The following EIF4G3 variants were observed in gnomAD, a reference collection of about 807,000 sequenced individuals.
EIF4G3 encodes the protein eukaryotic translation initiation factor 4 gamma 3.
In EIF4G3, 34 loss-of-function variants were observed where a neutral mutation model predicts 186.4. The observed-to-expected ratio is 0.18, with a 90% confidence interval of 0.14 to 0.24. The LOEUF is 0.24. Ranked by LOEUF, EIF4G3 falls within the 10% of genes least tolerant of loss-of-function variation. The pLI is 1.00. For missense variants in EIF4G3, 1,536 were observed against 1,948.5 expected, an observed-to-expected ratio of 0.79 and a Z score of 3.99; for synonymous variants, 673 against 679.5, an observed-to-expected ratio of 0.99 and a Z score of 0.15.
chr1:21,044,190 TA>T (rs1024003635), intron 4 of EIF4G3, among the ~76,000 whole-genome samples: 1 of 152,212 alleles, frequency 6.6e-6, no homozygotes, highest in African/African-American at 2.4e-5. Context: ...TTGGTTTTTT[TA>T]AGTTGATAAT....
chr1:21,102,319 T>C (rs1407647807), intron 2 of EIF4G3, among the ~76,000 whole-genome samples: 3 of 152,088 alleles, frequency 2.0e-5, no homozygotes, highest in African/African-American at 7.2e-5. Context: ...TAAAAACAGG[T>C]AGCCAGCCAG....
Position 20,827,586 on chromosome 1 carries a change from T to G in EIF4G3, c.4269+31A>C, listed in dbSNP as rs2063959036. The G allele has an allele frequency of 2.2e-6, 3 of 1,390,300 alleles. No individual in the cohort carries two copies. The South Asian group carries it at 3.6e-5, about 17-fold the overall frequency. 86.1% of individuals were successfully genotyped at this position (1,390,300 alleles called of 1,614,324 possible). A position where few individuals can be genotyped will look rare whatever the true frequency, so the allele number is the denominator to read the frequency against. Reference sequence around the variant, plus strand: ...AGATCACTGCCCTTCCTAATAATACTGTTGAGTCTGACACTCAGTGTAACA... The same window carrying G: ...AGATCACTGCCCTTCCTAATAATACGGTTGAGTCTGACACTCAGTGTAACA... On this transcript the variant is annotated intron_variant, in intron 32 of 36. Transcript: ENST00000602326.
chr1:21,148,087 AG>A (rs2097483342), intron 2 of EIF4G3, among the ~76,000 whole-genome samples: 1 of 152,206 alleles, frequency 6.6e-6, no homozygotes, highest in African/African-American at 2.4e-5. Flanking sequence ...TCTTTTCAAG[AG>A]AAGAGTCTTG....
chr1:21,119,851 C>G (rs1179157484), intron 2 of EIF4G3, among the ~76,000 whole-genome samples: 3 of 152,068 alleles, frequency 2.0e-5, no homozygotes, highest in South Asian at 2.1e-4. Flanking sequence ...TCTTAAGCAT[C>G]TTTCCAGAAA....
At chr1:21,161,042 A>G (rs1051831994) in intron 2 of EIF4G3, among the ~76,000 whole-genome samples, 8 of 152,142 alleles carry the variant, frequency 5.3e-5, no homozygotes, top group African/African-American at 1.9e-4. Flanking sequence ...GCAGTAGTGC[A>G]CACCTATAAT....
At chr1:20,967,961 A>C (rs910936272) in intron 12 of EIF4G3, among the ~76,000 whole-genome samples, 1 of 152,134 alleles carries the variant, frequency 6.6e-6, no homozygotes, top group Non-Finnish European at 1.5e-5. Context: ...CTTTCACTTT[A>C]GACAATTTTT....
At chr1:21,124,624 T>C (rs77391118) in intron 2 of EIF4G3, among the ~76,000 whole-genome samples, 4,522 of 152,292 alleles carry the variant, frequency 0.03, 238 homozygotes, top group African/African-American at 0.1. Context: ...TCTCAAACTA[T>C]CCCACCTAGT....
Position 21,050,918 on chromosome 1 carries a change from G to C in EIF4G3, c.-119C>G, listed in dbSNP as rs974779419. ...TCCCGGGGGCGTTGCCGCAAGATTT[G>C]GATGCCCCTTGTTTATTTCATGTGC... is the stretch of plus-strand genomic sequence containing the variant. On this transcript the variant is annotated 5_prime_UTR_variant, in exon 4 of 37. Transcript: ENST00000602326. The C allele has an allele frequency of 1.4e-6, 1 of 715,376 alleles. No homozygotes were observed. Among genetic ancestry groups the C allele is most frequent in the Non-Finnish European group, 2.6e-6 (1 of 384,526 alleles). 44.3% of individuals were successfully genotyped at this position (715,376 alleles called of 1,614,324 possible).
In EIF4G3 at chr1:20,942,234, G is replaced by A. The variant is rs755035478; in HGVS notation, c.920C>T (p.Ser307Phe). Residue 307 changes from serine to phenylalanine, a missense_variant, in exon 14 of 37, where the codon TCT (serine) becomes TTT (phenylalanine). Physicochemically the swap from Ser to Phe is radical, Grantham distance 155. This residue lies in a region of EIF4G3 where 560 missense variants were observed against 547.8 expected (regional missense o/e 1.02). Coordinates refer to ENST00000602326, the MANE Select transcript of EIF4G3 (RefSeq NM_001391906.1). ...TATGGATACTATTGCAGTAGTTTCA[G>A]ATGTCTGGCCTTCTTGTTCTTTCTT... Reference protein sequence around the residue: ...GEKKEQEGQTSETTAIVSIAE... With the variant: ...GEKKEQEGQTFETTAIVSIAE... The A allele has an allele frequency of 2.5e-6, 4 of 1,614,044 alleles. No individual in the cohort carries two copies. The Admixed American group carries it at 6.7e-5, about 27-fold the overall frequency.
chr1:21,132,634 G>A (rs1013831428), intron 2 of EIF4G3, among the ~76,000 whole-genome samples: 1 of 151,924 alleles, frequency 6.6e-6, no homozygotes, highest in Non-Finnish European at 1.5e-5. Flanking sequence ...GAGATGGGGT[G>A]TCACTATGTT....
intron 3 of EIF4G3, among the ~76,000 whole-genome samples, chr1:21,067,552 C>T (rs968618161): frequency 1.3e-5 from 2 of 151,958 alleles, no homozygotes; most frequent in African/African-American, 4.8e-5. Context: ...AAGCAGATAC[C>T]ATGATGGGTA....
chr1:20,955,261 TCACTCTGTCAC>T (rs2154563945), intron 12 of EIF4G3, among the ~76,000 whole-genome samples: 1 of 151,912 alleles, frequency 6.6e-6, no homozygotes, highest in African/African-American at 2.4e-5. Flanking sequence ...AGACAGGATC[TCACTCTGTCAC>T]CTTGGCTGGA....
intron 4 of EIF4G3, among the ~76,000 whole-genome samples, chr1:21,037,317 C>T (rs1205099788): frequency 6.6e-6 from 1 of 151,570 alleles, no homozygotes; most frequent in Non-Finnish European, 1.5e-5. Context: ...TGGAAAATTT[C>T]ATTTACAGCT....
At chr1:21,160,040 GA>G (rs767351884) in intron 2 of EIF4G3, among the ~76,000 whole-genome samples, 30 of 151,372 alleles carry the variant, frequency 2.0e-4, no homozygotes, top group Non-Finnish European at 3.5e-4. Flanking sequence ...CTGGGAGGCA[GA>G]GGTTGCAGTG....
In EIF4G3 at chr1:21,041,224, A is replaced by C. The variant is rs1286434684; in HGVS notation, c.-67+9642T>G. ...ATGTCAGCTGCTTTCTGCAGTTATT[A>C]ATCTCTAGATTACCTCCGCATCCTC... On this transcript the variant is annotated intron_variant, in intron 4 of 36. Transcript: ENST00000602326. Among the ~76,000 whole-genome samples, 3 of 152,026 alleles carry C rather than the reference A, an allele frequency of 2.0e-5. No individual in the cohort carries two copies. The East Asian group carries it at 5.8e-4, about 29-fold the overall frequency.
chr1:20,899,957 GAACA>G lies in EIF4G3; in HGVS notation c.1753-18_1753-15del. On this transcript the variant is annotated splice_polypyrimidine_tract_variant and intron_variant, in intron 15 of 36. Transcript: ENST00000602326. ...TTCAGCTTTAAGCTAAATAATAAAT[GAACA>G]AAGAGGTTACATTTTTTTCCACGGG... 1 of 1,594,630 alleles carries G rather than the reference GAACA, an allele frequency of 6.3e-7. No homozygotes were observed. Among genetic ancestry groups the G allele is most frequent in the Non-Finnish European group, 8.5e-7 (1 of 1,173,758 alleles).
intron 30 of EIF4G3, among the ~76,000 whole-genome samples, chr1:20,838,015 T>A (rs746117946): frequency 6.6e-6 from 1 of 152,148 alleles, no homozygotes; most frequent in Admixed American, 6.5e-5. Flanking sequence ...TGGTGAAACA[T>A]GAAGTAATTG....
intron 20 of EIF4G3, among the ~76,000 whole-genome samples, chr1:20,878,682 C>A (rs1418725332): frequency 2.6e-5 from 4 of 152,026 alleles, no homozygotes; most frequent in Non-Finnish European, 5.9e-5. Context: ...ACACAAGTAC[C>A]TCGGTAACAA....
intron 4 of EIF4G3, among the ~76,000 whole-genome samples, chr1:21,019,533 A>G (rs2090133211): frequency 6.6e-6 from 1 of 152,222 alleles, no homozygotes; most frequent in Admixed American, 6.5e-5. Context: ...GTGAATGAAA[A>G]ATAAAAATTT....
Sources: allele counts gnomAD v4.1 joint callset (sites outside exome capture counted in the v4.1 genomes callset), GRCh38; gene constraint gnomAD v4.1.1; regional missense constraint gnomAD v4.1.1; transcripts MANE v1.5; gene names NCBI Gene and HGNC (gene_info 2026-07-23, HGNC 2026-07-21).